The following PRKN variants were observed in gnomAD, a reference collection of about 807,000 sequenced individuals.
PRKN encodes E3 ubiquitin-protein ligase parkin.
A neutral mutation model predicts 59.5 loss-of-function variants in PRKN; 56 were observed. The ratio of observed to expected loss-of-function variants is 0.94; its 90% confidence interval spans 0.76 to 1.18. The LOEUF is 1.18. PRKN is among the 50% of genes most tolerant of loss of function. The pLI is 0.00. For synonymous variants in PRKN, 250 were observed against 222.1 expected, an observed-to-expected ratio of 1.13 and a Z score of -1.12; for missense variants, 657 against 596.4, an observed-to-expected ratio of 1.10 and a Z score of -1.06.
At chr6:162,423,884 T>C (rs1283945967) in intron 2 of PRKN, among the ~76,000 whole-genome samples, 1 of 152,192 alleles carries the variant, frequency 6.6e-6, no homozygotes. Context: ...ACAAGGGTGA[T>C]GCTTATGCCA....
At chr6:161,833,247 G>A (rs1792586696) in intron 6 of PRKN, among the ~76,000 whole-genome samples, 1 of 152,124 alleles carries the variant, frequency 6.6e-6, no homozygotes, top group Non-Finnish European at 1.5e-5. Flanking sequence ...CTGGAATGGG[G>A]CACCGCCAGA....
chr6:161,923,894 T>C (rs1778872777), intron 6 of PRKN, among the ~76,000 whole-genome samples: 1 of 152,172 alleles, frequency 6.6e-6, no homozygotes, highest in Admixed American at 6.5e-5. Flanking sequence ...GTACTTTGCC[T>C]AGGAAAGAAA....
chr6:162,383,714 C>T (rs1356745616), intron 2 of PRKN, among the ~76,000 whole-genome samples: 2 of 152,178 alleles, frequency 1.3e-5, no homozygotes, highest in African/African-American at 4.8e-5. Flanking sequence ...TTGATTTTTT[C>T]TCTTTAGCTA....
chr6:161,813,693 G>A (rs535635034), intron 6 of PRKN, among the ~76,000 whole-genome samples: 2 of 152,274 alleles, frequency 1.3e-5, no homozygotes, highest in African/African-American at 4.8e-5. Flanking sequence ...ATCTCTGGCT[G>A]CCAGCTGCCA....
At chr6:161,879,475 G>A (rs527415406) in intron 6 of PRKN, among the ~76,000 whole-genome samples, 3 of 151,600 alleles carry the variant, frequency 2.0e-5, no homozygotes, top group African/African-American at 4.8e-5. Flanking sequence ...AGTCTCCCGA[G>A]TAGCTGGGAC....
At chr6:162,370,188 T>C (rs1389669525) in intron 2 of PRKN, among the ~76,000 whole-genome samples, 1 of 152,224 alleles carries the variant, frequency 6.6e-6, no homozygotes, top group Non-Finnish European at 1.5e-5. Flanking sequence ...CTGCATCTCG[T>C]TTTCTCATGC....
At chr6:161,946,414 A>ACTCT (rs61537965) in intron 6 of PRKN, among the ~76,000 whole-genome samples, 1,733 of 114,370 alleles carry the variant, frequency 0.015, 39 homozygotes, top group Admixed American at 0.054. Flanking sequence ...ACACACACAC[A>ACTCT]CTCTCTCTCT....
intron 6 of PRKN, among the ~76,000 whole-genome samples, chr6:161,928,075 T>C (rs192318301): frequency 9.9e-4 from 151 of 152,258 alleles, no homozygotes; most frequent in African/African-American, 3.5e-3. Flanking sequence ...CCTTCATGAT[T>C]GGGATTAGTG....
At chr6:161,434,049 G>C (rs1226381311) in intron 9 of PRKN, among the ~76,000 whole-genome samples, 1 of 151,936 alleles carries the variant, frequency 6.6e-6, no homozygotes, top group African/African-American at 2.4e-5. Context: ...AACACTCCAG[G>C]AGTTTCACTT....
chr6:161,508,886 C>T (rs925197601), intron 9 of PRKN, among the ~76,000 whole-genome samples: 7 of 151,692 alleles, frequency 4.6e-5, no homozygotes, highest in Admixed American at 6.6e-5. Flanking sequence ...CTCTTGTTGC[C>T]GAGACTGGAG....
In PRKN at chr6:161,588,204, C is replaced by G. The variant is rs1781588600; in HGVS notation, c.872-18788G>C. Among the ~76,000 whole-genome samples, 1 of 151,884 alleles carries G rather than the reference C, an allele frequency of 6.6e-6. No individual in the cohort carries two copies. Among genetic ancestry groups the G allele is most frequent in the Admixed American group, 6.6e-5 (1 of 15,244 alleles). ...TTCGAGACCAGCCTGGCTAACATGG[C>G]AAAACCCCGTCTCTACTAAAAATGC... On this transcript the variant is annotated intron_variant, in intron 7 of 11. Transcript: ENST00000366898. This position sits in a 1 kb window ranked among gnomAD's most constrained non-coding sequence, Gnocchi z 5.0.
chr6:162,520,263 A>G (rs1021463438), intron 1 of PRKN, among the ~76,000 whole-genome samples: 4 of 152,230 alleles, frequency 2.6e-5, no homozygotes, highest in African/African-American at 9.6e-5. Flanking sequence ...AAAAATTAAC[A>G]TAAATTTCAT....
chr6:161,421,193 A>T (rs948364046), intron 9 of PRKN, among the ~76,000 whole-genome samples: 30 of 152,202 alleles, frequency 2.0e-4, no homozygotes, highest in African/African-American at 7.0e-4. Context: ...AGGAGAGTTG[A>T]GGCATTCCTC....
At chr6:162,431,441 G>T (rs1023461574) in intron 2 of PRKN, among the ~76,000 whole-genome samples, 3 of 151,888 alleles carry the variant, frequency 2.0e-5, no homozygotes, top group African/African-American at 7.3e-5. Flanking sequence ...ACTATTTATA[G>T]GTCAGGAGGC....
Position 161,466,278 on chromosome 6 carries a change from G to C in PRKN, c.1084-79401C>G, listed in dbSNP as rs1246982467. On this transcript the variant is annotated intron_variant, in intron 9 of 11. Coordinates refer to ENST00000366898, the MANE Select transcript of PRKN (RefSeq NM_004562.3). This position sits in a 1 kb window ranked among gnomAD's most constrained non-coding sequence, Gnocchi z 5.0. ...TTCTGTTAACCTGTTGAATGATTTA[G>C]TCAATTCTGATAACATTCTCTTCCA... Among the ~76,000 whole-genome samples the C allele has an allele frequency of 6.6e-6, 1 of 152,082 alleles. No individual in the cohort carries two copies. Among genetic ancestry groups the C allele is most frequent in the Non-Finnish European group, 1.5e-5 (1 of 68,024 alleles).
intron 5 of PRKN, among the ~76,000 whole-genome samples, chr6:162,019,682 G>A (rs1051249387): frequency 6.6e-6 from 1 of 152,096 alleles, no homozygotes; most frequent in African/African-American, 2.4e-5. Context: ...AGACTACAAC[G>A]AGCCTTTAAT....
chr6:162,124,377 G>C (rs1781038914), intron 4 of PRKN, among the ~76,000 whole-genome samples: 1 of 152,164 alleles, frequency 6.6e-6, no homozygotes, highest in Non-Finnish European at 1.5e-5. Flanking sequence ...CCCTCGCTGG[G>C]AAAGGGACAG....
chr6:161,678,789 A>C (rs1342510558), intron 7 of PRKN, among the ~76,000 whole-genome samples: 8 of 151,488 alleles, frequency 5.3e-5, no homozygotes, highest in Non-Finnish European at 1.2e-4. Context: ...CTAGTCTTGA[A>C]CTCCTGAGCT....
chr6:162,696,607 C>T (rs1179321634), intron 1 of PRKN, among the ~76,000 whole-genome samples: 2 of 148,470 alleles, frequency 1.3e-5, no homozygotes, highest in Admixed American at 1.3e-4. Context: ...CTCTGTCACC[C>T]AGGCTGGAGT....
Sources: allele counts gnomAD v4.1 joint callset (sites outside exome capture counted in the v4.1 genomes callset), GRCh38; gene constraint gnomAD v4.1.1; non-coding constraint Gnocchi (gnomAD v3.1); transcripts MANE v1.5; gene names NCBI Gene and HGNC (gene_info 2026-07-23, HGNC 2026-07-21).